Variants in GREM1 observed in about 807,000 individuals in gnomAD.
GREM1 encodes the protein gremlin 1, DAN family BMP antagonist.
A neutral mutation model predicts 13.1 loss-of-function variants in GREM1; 6 were observed. The ratio of observed to expected loss-of-function variants is 0.46; its 90% CI spans 0.25 to 0.91. The LOEUF (loss-of-function observed/expected upper bound fraction) is 0.91, where lower values mean the gene tolerates loss of function less well. Among genes scored for constraint, GREM1 ranks in the 40% least tolerant of loss-of-function variants. The probability of loss-of-function intolerance (pLI) is 0.18; values close to 1 mark genes in which losing one functional copy is unlikely to be tolerated. For synonymous variants in GREM1, 98 were observed against 93.7 expected, an observed-to-expected ratio of 1.05 and a Z score of -0.27; for missense variants, 185 against 233.9, an observed-to-expected ratio of 0.79 and a Z score of 1.36.
rs138354685 is a variant in GREM1 at position 32,721,113 on chromosome 15, G to T, written c.-2+2952G>T. Among the ~76,000 whole-genome samples, 260 of 152,210 alleles carry T rather than the reference G, an allele frequency of 1.7e-3. 1 individual carries two copies. Among genetic ancestry groups the T allele is most frequent in the African/African-American group, 6.0e-3 (248 of 41,534 alleles). On this transcript the variant is annotated intron_variant, in intron 1 of 1. Transcript: ENST00000651154. ...GGAGGTTGTGGTGAGCCCAGATAGC[G>T]CCATTGCATTCCAGCCTGGGCAACA...
At position 32,719,539 on chromosome 15, in the gene GREM1, TC is replaced by T. The variant is rs72360084; in HGVS notation, c.-2+1383del. On this transcript the variant is annotated intron_variant, in intron 1 of 1. Transcript: ENST00000651154. The stretch of plus-strand genomic sequence containing the variant: ...ACAGCCTCAGCGTTAGGGGTTAAAA[TC>T]CCCCTCTTAAACGGTCCGAGGGCAG... Among the ~76,000 whole-genome samples, 41,535 of 151,838 alleles carry T rather than the reference TC, an allele frequency of 0.27. 6,601 individuals carry two copies. Among genetic ancestry groups the T allele is most frequent in the East Asian group, 0.68 (3,518 of 5,142 alleles).
In GREM1 at chr15:32,734,430, A is replaced by G. The variant is rs1175907718; in HGVS notation, c.*3185A>G. 1 of 246,422 alleles carries G rather than the reference A, an allele frequency of 4.1e-6. No individual in the cohort carries two copies. The highest frequency in any genetic ancestry group is 2.2e-5 in the African/African-American group (1 of 45,274). The allele number at this position is 246,422 out of a possible 1,614,324, so 15.3% of individuals were successfully genotyped here. On this transcript the variant is annotated 3_prime_UTR_variant, in exon 2 of 2. Coordinates refer to ENST00000651154, the MANE Select transcript of GREM1 (RefSeq NM_013372.7). ...TAGTTCTATTGACATTCCTCAAGAT[A>G]TTTAATATCAACTGCATTATGTATT...
At chr15:32,719,666 A>T (rs1173586086) in intron 1 of GREM1, among the ~76,000 whole-genome samples, 1 of 152,192 alleles carries the variant, frequency 6.6e-6, no homozygotes, top group African/African-American at 2.4e-5. Context: ...GTGCCAGGAC[A>T]CGAACTGATT....
At chr15:32,727,568 C>A (rs954571388) in intron 1 of GREM1, among the ~76,000 whole-genome samples, 1 of 152,250 alleles carries the variant, frequency 6.6e-6, no homozygotes, top group African/African-American at 2.4e-5. Context: ...TGGAAGCATT[C>A]CCTTTGAAAA....
At chr15:32,727,836 A>G (rs528109374) in intron 1 of GREM1, among the ~76,000 whole-genome samples, 2 of 152,208 alleles carry the variant, frequency 1.3e-5, no homozygotes, top group African/African-American at 2.4e-5. Flanking sequence ...AAGCATTCCT[A>G]TACACCAATA....
chr15:32,741,217 A>G lies in GREM1; in HGVS notation c.*9972A>G, dbSNP rs1287347164. 6.6e-6 allele frequency: 1 copy of G among 152,226 alleles called. No individual in the cohort carries two copies. Among genetic ancestry groups the G allele is most frequent in the African/African-American group, 2.4e-5 (1 of 41,462 alleles). 9.4% of individuals were successfully genotyped at this position (152,226 alleles called of 1,614,324 possible). A position where few individuals can be genotyped will look rare whatever the true frequency, so the allele number is the denominator to read the frequency against. Reference sequence around the variant, plus strand: ...TCTGGAAGGCAAGGAAGCTCATTCCAACAGATTCATGCTACATTGTTTAGT... The same window carrying G: ...TCTGGAAGGCAAGGAAGCTCATTCCGACAGATTCATGCTACATTGTTTAGT... On this transcript the variant is annotated 3_prime_UTR_variant, in exon 2 of 2. Transcript: ENST00000651154.
rs1281982481 is a variant in GREM1 at position 32,731,571 on chromosome 15, G to C, written c.*326G>C. On this transcript the variant is annotated 3_prime_UTR_variant, in exon 2 of 2. Coordinates refer to ENST00000651154, the MANE Select transcript of GREM1 (RefSeq NM_013372.7). ...GGGGCCGTGGTCTGGTTCTGACTTT[G>C]TGTTTTTGTGCCCTCCTGGGGACCA... 8.1e-6 allele frequency: 3 copies of C among 370,622 alleles called. No individual in the cohort carries two copies. Among genetic ancestry groups the C allele is most frequent in the Non-Finnish European group, 1.5e-5 (3 of 197,696 alleles). 23.0% of individuals were successfully genotyped at this position (370,622 alleles called of 1,614,324 possible).
chr15:32,727,251 A>T (rs1249481067), intron 1 of GREM1, among the ~76,000 whole-genome samples: 1 of 152,194 alleles, frequency 6.6e-6, no homozygotes, highest in East Asian at 1.9e-4. Flanking sequence ...TTGATGTGAA[A>T]ATCCTCAATA....
chr15:32,731,469 C>T lies in GREM1; in HGVS notation c.*224C>T, dbSNP rs33963919. The stretch of plus-strand genomic sequence containing the variant: ...AACACAGTCTCTGCTAGAGAGCACT[C>T]CCTATTTTGTAAACATATCTGCTTT... On this transcript the variant is annotated 3_prime_UTR_variant, in exon 2 of 2. Transcript: ENST00000651154. 0.56 allele frequency: 326,680 copies of T among 584,906 alleles called. 94,911 individuals are homozygous for T. The highest frequency in any genetic ancestry group is 0.71 in the East Asian group (24,794 of 34,732). The allele number at this position is 584,906 out of a possible 1,614,324, so 36.2% of individuals were successfully genotyped here.
chr15:32,718,159 C>T lies in GREM1; in HGVS notation c.-4C>T. 1 of 1,330,288 alleles carries T rather than the reference C, an allele frequency of 7.5e-7. No individual in the cohort carries two copies. The highest frequency in any genetic ancestry group is 1.3e-5 in the South Asian group (1 of 77,948). 82.4% of individuals were successfully genotyped at this position (1,330,288 alleles called of 1,614,324 possible). Reference sequence around the variant, plus strand: ...AGGCCCCGAGGACCCGCCGCACTGACAGGTGAGCGCGGACGCACCCGGCAG... The same window carrying T: ...AGGCCCCGAGGACCCGCCGCACTGATAGGTGAGCGCGGACGCACCCGGCAG... On this transcript the variant is annotated splice_region_variant and 5_prime_UTR_variant, in exon 1 of 2. Transcript: ENST00000651154.
chr15:32,732,993 C>T lies in GREM1; in HGVS notation c.*1748C>T, dbSNP rs74011946. On this transcript the variant is annotated 3_prime_UTR_variant, in exon 2 of 2. Transcript: ENST00000651154. ...TGGCATTCAGAGAACCCTTGCAACT[C>T]GAGAAGCTGTTTTTATTTCGTTTTT... 4.9e-3 allele frequency: 1,106 copies of T among 225,180 alleles called. 15 individuals carry two copies. The highest frequency in any genetic ancestry group is 0.024 in the African/African-American group (1,049 of 44,228). The allele number at this position is 225,180 out of a possible 1,614,324, so 13.9% of individuals were successfully genotyped here.
At position 32,739,343 on chromosome 15, in the gene GREM1, GTTTATA is replaced by G. The variant is rs921915376; in HGVS notation, c.*8105_*8110del. 1.3e-5 allele frequency: 2 copies of G among 152,098 alleles called. No individual in the cohort carries two copies. The highest frequency in any genetic ancestry group is 2.9e-5 in the Non-Finnish European group (2 of 68,010). 9.4% of individuals were successfully genotyped at this position (152,098 alleles called of 1,614,324 possible). On this transcript the variant is annotated 3_prime_UTR_variant, in exon 2 of 2. Coordinates refer to ENST00000651154, the MANE Select transcript of GREM1 (RefSeq NM_013372.7). The stretch of plus-strand genomic sequence containing the variant: ...TAAAGCTTAAAGCAATTACCTCCTT[GTTTATA>G]TTTATAGTTTCATCACTGAAGTGTG...
chr15:32,718,261 T>A, intron 1 of GREM1, 100 bp downstream of exon 1: 2 of 941,300 alleles, frequency 2.1e-6, no homozygotes, highest in Non-Finnish European at 3.1e-6. Flanking sequence ...CAGCCCTCCG[T>A]GCGCGCAGGC....
chr15:32,738,125 A>AAAAAAAAAAAAAAAAAC lies in GREM1; in HGVS notation c.*6888_*6889insAAAAAAAACAAAAAAAA. On this transcript the variant is annotated 3_prime_UTR_variant, in exon 2 of 2. Coordinates refer to ENST00000651154, the MANE Select transcript of GREM1 (RefSeq NM_013372.7). ...AAAAAAAAAAAAAAAAAAAAAAAAA[A>AAAAAAAAAAAAAAAAAC]AAAAAAAAGAAAAGAAAAAAGTCAT... The AAAAAAAAAAAAAAAAAC allele has an allele frequency of 7.1e-5, 2 of 27,984 alleles. No individual in the cohort carries two copies. Among genetic ancestry groups the AAAAAAAAAAAAAAAAAC allele is most frequent in the Admixed American group, 4.4e-4 (1 of 2,290 alleles). 1.7% of individuals were successfully genotyped at this position (27,984 alleles called of 1,614,324 possible). A position where few individuals can be genotyped will look rare whatever the true frequency, so the allele number is the denominator to read the frequency against.
rs143221694 is a variant in GREM1, at chr15:32,727,204, TAAA to T, written c.-1-3482_-1-3480del. On this transcript the variant is annotated intron_variant, in intron 1 of 1. Coordinates refer to ENST00000651154, the MANE Select transcript of GREM1 (RefSeq NM_013372.7). ...ACCAAAACCTGGCAGAGACACAACA[TAAA>T]AAAGGAAATTCAGGCCAATATCCCT... 0.32 allele frequency among the ~76,000 whole-genome samples: 47,608 copies of T among 150,550 alleles called. 7,580 individuals are homozygous for T. The highest frequency in any genetic ancestry group is 0.36 in the African/African-American group (14,708 of 41,012).
At chr15:32,720,473 G>C (rs1323893348) in intron 1 of GREM1, among the ~76,000 whole-genome samples, 2 of 152,156 alleles carry the variant, frequency 1.3e-5, no homozygotes, top group African/African-American at 4.8e-5. Context: ...ACAACAGAGA[G>C]TAAAGGACAG....
rs1555444752 is a variant in GREM1 at position 32,738,125 on chromosome 15, A to AC, written c.*6880_*6881insC. 2.5e-4 allele frequency: 7 copies of AC among 27,986 alleles called. No individual in the cohort carries two copies. The highest frequency in any genetic ancestry group is 6.1e-4 in the African/African-American group (4 of 6,600). 1.7% of individuals were successfully genotyped at this position (27,986 alleles called of 1,614,324 possible). On this transcript the variant is annotated 3_prime_UTR_variant, in exon 2 of 2. Transcript: ENST00000651154. ...AAAAAAAAAAAAAAAAAAAAAAAAA[A>AC]AAAAAAAAGAAAAGAAAAAAGTCAT...
rs776134126 is a variant in GREM1 at position 32,732,859 on chromosome 15, C to T, written c.*1614C>T. On this transcript the variant is annotated 3_prime_UTR_variant, in exon 2 of 2. Coordinates refer to ENST00000651154, the MANE Select transcript of GREM1 (RefSeq NM_013372.7). Reference sequence around the variant, plus strand: ...TCAAGCCTGAGGTTTTATATACAAACTCCCTGAATACTCTTTTTGCCTTGT... The same window carrying T: ...TCAAGCCTGAGGTTTTATATACAAATTCCCTGAATACTCTTTTTGCCTTGT... 3.2e-4 allele frequency: 71 copies of T among 221,332 alleles called. No individual in the cohort carries two copies. The highest frequency in any genetic ancestry group is 6.3e-4 in the Non-Finnish European group (64 of 101,306). 13.7% of individuals were successfully genotyped at this position (221,332 alleles called of 1,614,324 possible). A position where few individuals can be genotyped will look rare whatever the true frequency, so the allele number is the denominator to read the frequency against.
chr15:32,742,187 A>G lies in GREM1; in HGVS notation c.*10942A>G, dbSNP rs1410344366. On this transcript the variant is annotated 3_prime_UTR_variant, in exon 2 of 2. Coordinates refer to ENST00000651154, the MANE Select transcript of GREM1 (RefSeq NM_013372.7). ...TTAGTATAAAGGTAATTCTGGCTTC[A>G]TAAAATAAGTTAGAAAGTGTTCTCT... 6.6e-6 allele frequency: 1 copy of G among 152,216 alleles called. No homozygotes were observed. The highest frequency in any genetic ancestry group is 1.5e-5 in the Non-Finnish European group (1 of 68,026). 9.4% of individuals were successfully genotyped at this position (152,216 alleles called of 1,614,324 possible).
Sources: allele counts gnomAD v4.1 joint callset (sites outside exome capture counted in the v4.1 genomes callset), GRCh38; gene constraint gnomAD v4.1.1; transcripts MANE v1.5; gene names NCBI Gene and HGNC (gene_info 2026-07-23, HGNC 2026-07-21).